The following WDFY3 variants were observed in gnomAD, a reference collection of about 807,000 sequenced individuals.
WDFY3 encodes WD repeat and FYVE domain containing 3, also known as WD repeat and FYVE domain-containing protein 3.
Under a neutral mutation model 409.6 loss-of-function variants are expected in WDFY3, and 66 were observed. The ratio of observed to expected loss-of-function variants is 0.16; its 90% CI spans 0.13 to 0.20. The LOEUF is 0.20. WDFY3 is among the 10% of genes least tolerant of loss of function. The pLI, the probability that WDFY3 is intolerant of heterozygous loss-of-function variation, is 1.00. For missense variants in WDFY3, 3,031 were observed against 4,298.1 expected, an observed-to-expected ratio of 0.71 and a Z score of 8.24; for synonymous variants, 1,521 against 1,537.1, an observed-to-expected ratio of 0.99 and a Z score of 0.25.
chr4:84,928,580 T>C (rs1252817151), intron 2 of WDFY3, among the ~76,000 whole-genome samples: 1 of 152,218 alleles, frequency 6.6e-6, no homozygotes, highest in African/African-American at 2.4e-5. Context: ...TATATGATTG[T>C]ACCACTACAT....
chr4:84,825,544 C>T (rs1247301911), intron 10 of WDFY3, among the ~76,000 whole-genome samples: 2 of 151,542 alleles, frequency 1.3e-5, no homozygotes, highest in East Asian at 3.9e-4. Context: ...TAAAATGAAA[C>T]CTTAAATCAC....
chr4:84,796,826 G>C, intron 18 of WDFY3, 74 bp from the exon 19 acceptor site: 2 of 1,233,604 alleles, frequency 1.6e-6, no homozygotes, highest in Admixed American at 4.2e-5. Flanking sequence ...TGATTTATTT[G>C]TAAATACCAC....
intron 64 of WDFY3, among the ~76,000 whole-genome samples, chr4:84,679,865 C>T (rs888147193): frequency 5.3e-5 from 8 of 149,560 alleles, no homozygotes; most frequent in South Asian, 4.2e-4. Context: ...CACACACACA[C>T]GTACGTGTGT....
intron 38 of WDFY3, among the ~76,000 whole-genome samples, chr4:84,740,804 T>G (rs1738278896): frequency 1.3e-5 from 2 of 151,846 alleles, no homozygotes; most frequent in African/African-American, 4.8e-5. Flanking sequence ...CTAAAATCAT[T>G]TTTTTTTGAC....
At chr4:84,891,281 G>A (rs1042970125) in intron 3 of WDFY3, among the ~76,000 whole-genome samples, 9 of 152,090 alleles carry the variant, frequency 5.9e-5, no homozygotes, top group South Asian at 2.1e-4. Context: ...ATTTTCCTGC[G>A]TAAACTGCTA....
At chr4:84,902,657 G>C (rs991761006) in intron 2 of WDFY3, among the ~76,000 whole-genome samples, 3 of 152,168 alleles carry the variant, frequency 2.0e-5, no homozygotes, top group Admixed American at 6.5e-5. Flanking sequence ...GCATTTTGTG[G>C]TGATTTTAAA....
chr4:84,759,697 A>C (rs1487943853), intron 32 of WDFY3, among the ~76,000 whole-genome samples: 4 of 149,396 alleles, frequency 2.7e-5, no homozygotes, highest in Non-Finnish European at 6.0e-5. Flanking sequence ...GCTTAAGGAG[A>C]TTTTGGGCTG....
chr4:84,810,043 T>C lies in WDFY3; in HGVS notation c.2189A>G (p.Lys730Arg), dbSNP rs1393911237. Residue 730 changes from lysine (K) to arginine (R), a missense_variant, in exon 14 of 68, where the codon AAA (lysine) becomes AGA (arginine). By Grantham distance (26) the Lys-to-Arg change is conservative. Coordinates refer to ENST00000295888, the MANE Select transcript of WDFY3 (RefSeq NM_014991.6). Reference sequence around the variant, plus strand: ...GGGGAAGACATTCATGGCGCTTATTTTTCTTAGGTCTGAGAAGCAGCCAAG... The same window carrying C: ...GGGGAAGACATTCATGGCGCTTATTCTTCTTAGGTCTGAGAAGCAGCCAAG... The part of the protein sequence containing the change: ...RFLGCFSDLR[K>R]ISAMNVFPSN... 1.2e-6 allele frequency: 2 copies of C among 1,614,222 alleles called. No individual in the cohort carries two copies. Among genetic ancestry groups the C allele is most frequent in the Admixed American group, 1.7e-5 (1 of 60,026 alleles).
chr4:84,733,721 A>C lies in WDFY3; in HGVS notation c.6994-112T>G, dbSNP rs980616882. 1.1e-5 allele frequency: 11 copies of C among 1,002,390 alleles called. No individual in the cohort carries two copies. The African/African-American group carries it at 1.1e-4, about 10-fold the overall frequency. The allele number at this position is 1,002,390 out of a possible 1,614,324, so 62.1% of individuals were successfully genotyped here. On this transcript the variant is annotated intron_variant, in intron 43 of 67. Coordinates refer to ENST00000295888, the MANE Select transcript of WDFY3 (RefSeq NM_014991.6). ...TTTGGAAACAAACACAATCCACACCATTTCAGTTAACATTATAAAAGTAAA... is the reference window on the plus strand; with the variant it reads ...TTTGGAAACAAACACAATCCACACCCTTTCAGTTAACATTATAAAAGTAAA...
chr4:84,966,349 C>T lies in WDFY3; in HGVS notation c.-366G>A, dbSNP rs1241938866. ...CGCGGCGGGGCCCGGGAGCCCCGCG[C>T]CGCGGGCCGGGGGCCGGGGCCCGAG... On this transcript the variant is annotated 5_prime_UTR_variant, in exon 1 of 68. Coordinates refer to ENST00000295888, the MANE Select transcript of WDFY3 (RefSeq NM_014991.6). 7 of 149,766 alleles carry T rather than the reference C, an allele frequency of 4.7e-5. No individual in the cohort carries two copies. In the East Asian group the frequency reaches 1.4e-3, roughly 30 times the overall value. The allele number at this position is 149,766 out of a possible 1,614,324, so 9.3% of individuals were successfully genotyped here.
intron 47 of WDFY3, among the ~76,000 whole-genome samples, chr4:84,720,174 C>T (rs768313050): frequency 4.6e-5 from 7 of 151,886 alleles, no homozygotes; most frequent in African/African-American, 7.2e-5. Flanking sequence ...ATAAGGAGCT[C>T]GACATCTAGG....
At chr4:84,896,018 G>C (rs1765580504) in intron 3 of WDFY3, among the ~76,000 whole-genome samples, 1 of 152,168 alleles carries the variant, frequency 6.6e-6, no homozygotes, top group South Asian at 2.1e-4. Flanking sequence ...AGCACTTTGG[G>C]AGGCCGAGGG....
intron 34 of WDFY3, 43 bp from the exon 35 acceptor site, chr4:84,753,919 G>C (rs2149312380): frequency 6.7e-7 from 1 of 1,487,754 alleles, no homozygotes; most frequent in South Asian, 1.4e-5. Flanking sequence ...TACAGTTATT[G>C]ACACTGCTAT....
At chr4:84,841,092 A>C in intron 6 of WDFY3, 62 bp downstream of exon 6, 1 of 1,276,552 alleles carries the variant, frequency 7.8e-7, no homozygotes, top group Non-Finnish European at 1.1e-6. Flanking sequence ...TAATAATAAA[A>C]TCACAAGAGA....
At chr4:84,688,414 G>A in intron 61 of WDFY3, 149 bp from the exon 62 acceptor site, 10 of 753,660 alleles carry the variant, frequency 1.3e-5, no homozygotes, top group Non-Finnish European at 2.1e-5. Flanking sequence ...GAGTCTGGAA[G>A]GCAGACCTCC....
chr4:84,829,404 G>T (rs983117051), intron 8 of WDFY3, among the ~76,000 whole-genome samples: 1 of 152,086 alleles, frequency 6.6e-6, no homozygotes, highest in Non-Finnish European at 1.5e-5. Flanking sequence ...ATACAGAAAT[G>T]TGTTGAAAAA....
chr4:84,943,798 CA>C (rs1367959810), intron 1 of WDFY3, among the ~76,000 whole-genome samples: 1 of 152,168 alleles, frequency 6.6e-6, no homozygotes, highest in Non-Finnish European at 1.5e-5. Context: ...TTGGCCTACA[CA>C]TACTAAAAAC....
intron 56 of WDFY3, among the ~76,000 whole-genome samples, chr4:84,698,291 T>TAGG (rs200509418): frequency 8.0e-6 from 1 of 124,450 alleles, no homozygotes; most frequent in South Asian, 2.3e-4. Flanking sequence ...TATATATATA[T>TAGG]TTTTTTTTTT....
At position 84,671,855 on chromosome 4, in the gene WDFY3, T is replaced by C. The variant is rs778311826; in HGVS notation, c.*1013A>G. ...TTACCCCTTGTTTGAAAATAAGCTA[T>C]AGTAGAACATTAGTGTCACCAAAGA... On this transcript the variant is annotated 3_prime_UTR_variant, in exon 68 of 68. Transcript: ENST00000295888. 1 of 152,534 alleles carries C rather than the reference T, an allele frequency of 6.6e-6. No individual in the cohort carries two copies. The allele number at this position is 152,534 out of a possible 1,614,324, so 9.4% of individuals were successfully genotyped here.
Sources: allele counts gnomAD v4.1 joint callset (sites outside exome capture counted in the v4.1 genomes callset), GRCh38; gene constraint gnomAD v4.1.1; transcripts MANE v1.5; gene names NCBI Gene and HGNC (gene_info 2026-07-23, HGNC 2026-07-21).